PRKCE: variants seen among roughly 807,000 people sequenced by gnomAD.
The protein encoded by PRKCE is protein kinase C epsilon type.
PRKCE carries 16 observed loss-of-function variants against 85.4 expected under a neutral mutation model. The ratio of observed to expected loss-of-function variants is 0.19; its 90% CI spans 0.13 to 0.28. The LOEUF is 0.28. PRKCE is among the 10% of genes least tolerant of loss of function. The pLI is 1.00. For missense variants in PRKCE, 573 were observed against 975.2 expected, an observed-to-expected ratio of 0.59 and a Z score of 5.49; for synonymous variants, 388 against 371.5, an observed-to-expected ratio of 1.04 and a Z score of -0.51.
chr2:45,774,222 A>C lies in PRKCE; in HGVS notation c.349-68778A>C, dbSNP rs1205781610. 2.0e-5 allele frequency among the ~76,000 whole-genome samples: 3 copies of C among 151,984 alleles called. No homozygotes were observed. The highest frequency in any genetic ancestry group is 4.4e-5 in the Non-Finnish European group (3 of 67,988). ...ACCACCCCTGTGGTCAGGGCCTGCG[A>C]CTGGTGAGGTTCTAAGGCCTCCCCT... On this transcript the variant is annotated intron_variant, in intron 1 of 14. Transcript: ENST00000306156. This position sits in a 1 kb window ranked among gnomAD's most constrained non-coding sequence, Gnocchi z 4.3.
chr2:46,052,743 T>C (rs977702611), intron 10 of PRKCE, among the ~76,000 whole-genome samples: 1 of 152,220 alleles, frequency 6.6e-6, no homozygotes, highest in Non-Finnish European at 1.5e-5. Context: ...AAATTCCTGG[T>C]TCTAAAACAT....
chr2:45,841,770 A>G (rs1367523013), intron 1 of PRKCE, among the ~76,000 whole-genome samples: 1 of 152,260 alleles, frequency 6.6e-6, no homozygotes, highest in South Asian at 2.1e-4. Flanking sequence ...CTGACTGGGC[A>G]TATCTGGATA....
At chr2:45,719,866 A>G (rs907762033) in intron 1 of PRKCE, among the ~76,000 whole-genome samples, 2 of 151,950 alleles carry the variant, frequency 1.3e-5, no homozygotes, top group Non-Finnish European at 2.9e-5. Flanking sequence ...TCGAAGTTAC[A>G]GTGAGCTATG....
intron 1 of PRKCE, among the ~76,000 whole-genome samples, chr2:45,771,126 G>A (rs1685294286): frequency 6.6e-6 from 1 of 152,138 alleles, no homozygotes; most frequent in African/African-American, 2.4e-5. Flanking sequence ...AGTAGAGAAT[G>A]CAGGGGTGGG....
chr2:46,027,560 AT>A (rs1165077447), intron 10 of PRKCE, among the ~76,000 whole-genome samples: 2 of 152,168 alleles, frequency 1.3e-5, no homozygotes, highest in African/African-American at 4.8e-5. Context: ...TCGTAGGTAT[AT>A]TTTACAATAA....
chr2:45,978,962 ATTC>A lies in PRKCE; in HGVS notation c.573-8_573-6del, dbSNP rs888984580. On this transcript the variant is annotated splice_polypyrimidine_tract_variant and intron_variant, in intron 3 of 14. Transcript: ENST00000306156. ...ATTTCACTTTTTTTAAAAAAATGTT[ATTC>A]TTCTTTTCAGGGGTGTCATAGGAAA... 7.5e-6 allele frequency: 12 copies of A among 1,597,704 alleles called. No homozygotes were observed. The highest frequency in any genetic ancestry group is 1.6e-4 in the Middle Eastern group (1 of 6,068).
intron 3 of PRKCE, chr2:45,978,600 T>A (rs1702640833): frequency 1.0e-5 from 2 of 192,212 alleles, no homozygotes; most frequent in Non-Finnish European, 2.1e-5. Context: ...CGTGTCCTGG[T>A]GCTGGGAGAA....
At chr2:45,688,554 A>T (rs1380890429) in intron 1 of PRKCE, among the ~76,000 whole-genome samples, 4 of 152,208 alleles carry the variant, frequency 2.6e-5, no homozygotes, top group Non-Finnish European at 5.9e-5. Context: ...AACTTGGATG[A>T]ATATATTATG....
In PRKCE at chr2:45,744,520, CTTTCTTTTTCT is replaced by C. The variant is rs1573170392; in HGVS notation, c.348+92075_348+92085del. On this transcript the variant is annotated intron_variant, in intron 1 of 14. Transcript: ENST00000306156. The stretch of plus-strand genomic sequence containing the variant: ...CTTTCTTTTCTTTCTTTCTTTCTTT[CTTTCTTTTTCT>C]TTCCTTCTTTCTTTCTTTCTTCCTT... 3.7e-3 allele frequency among the ~76,000 whole-genome samples: 136 copies of C among 37,082 alleles called. 4 individuals are homozygous for C. Among genetic ancestry groups the C allele is most frequent in the East Asian group, 0.024 (27 of 1,140 alleles). 24.3% of individuals were successfully genotyped at this position (37,082 alleles called of 152,430 possible).
At position 45,781,447 on chromosome 2, in the gene PRKCE, A is replaced by G. The variant is rs115231009; in HGVS notation, c.349-61553A>G. On this transcript the variant is annotated intron_variant, in intron 1 of 14. Coordinates refer to ENST00000306156, the MANE Select transcript of PRKCE (RefSeq NM_005400.3). ...AAATGATCATATTCAGTTCTTCAGT[A>G]TCTTTGATTAGTCTCCCCTCCCCCT... Among the ~76,000 whole-genome samples, 1,356 of 152,314 alleles carry G rather than the reference A, an allele frequency of 8.9e-3. 9 individuals carry two copies. The highest frequency in any genetic ancestry group is 0.014 in the Non-Finnish European group (980 of 68,028).
intron 1 of PRKCE, among the ~76,000 whole-genome samples, chr2:45,725,629 G>A (rs547638125): frequency 1.6e-4 from 24 of 152,042 alleles, no homozygotes; most frequent in African/African-American, 4.3e-4. Context: ...TCAAGAGATC[G>A]AGACCATCCT....
rs867120162 is a variant in PRKCE at position 46,143,539 on chromosome 2, A to G, written c.1593-1554A>G. ...ATAAGCCTACAAGCAGGAGCGTGTC[A>G]TTCTGATTCACCAGATAAGGTCACA... On this transcript the variant is annotated intron_variant, in intron 11 of 14. Transcript: ENST00000306156. Among the ~76,000 whole-genome samples the G allele has an allele frequency of 5.3e-5, 8 of 152,258 alleles. No individual in the cohort carries two copies. In the South Asian group the frequency reaches 1.5e-3, roughly 28 times the overall value.
chr2:46,137,354 A>G (rs1675102562), intron 11 of PRKCE, among the ~76,000 whole-genome samples: 1 of 152,228 alleles, frequency 6.6e-6, no homozygotes, highest in East Asian at 1.9e-4. Flanking sequence ...ATAAATTACT[A>G]TACACAGAAT....
intron 2 of PRKCE, among the ~76,000 whole-genome samples, chr2:45,903,877 G>A (rs1696752773): frequency 8.0e-6 from 1 of 124,354 alleles, no homozygotes; most frequent in East Asian, 3.2e-4. Context: ...CTTGTAGCCT[G>A]GCAGTTTTTT....
intron 1 of PRKCE, among the ~76,000 whole-genome samples, chr2:45,780,776 C>T (rs1204187563): frequency 6.6e-6 from 1 of 152,186 alleles, no homozygotes; most frequent in Non-Finnish European, 1.5e-5. Context: ...GAAGTCATAG[C>T]TTCCTCCTCT....
chr2:45,846,265 G>A (rs1691780228), intron 2 of PRKCE, among the ~76,000 whole-genome samples: 1 of 152,140 alleles, frequency 6.6e-6, no homozygotes, highest in Admixed American at 6.5e-5. Flanking sequence ...CCCTTCATAT[G>A]ATGTAATTTG....
intron 1 of PRKCE, among the ~76,000 whole-genome samples, chr2:45,653,061 A>G (rs1292290427): frequency 5.3e-5 from 8 of 152,274 alleles, no homozygotes; most frequent in South Asian, 4.1e-4. Context: ...TGTCCAATTC[A>G]TTGCCCATCC....
chr2:46,168,597 A>G (rs1678575202), intron 14 of PRKCE, among the ~76,000 whole-genome samples: 1 of 152,234 alleles, frequency 6.6e-6, no homozygotes, highest in Non-Finnish European at 1.5e-5. Context: ...CAAGGAAAGA[A>G]TCTTCTGCCA....
chr2:45,992,007 G>A (rs925413505), intron 6 of PRKCE, among the ~76,000 whole-genome samples: 2 of 152,186 alleles, frequency 1.3e-5, no homozygotes, highest in Non-Finnish European at 2.9e-5. Flanking sequence ...AGGCGTCGTG[G>A]TGAACCTGGA....
Sources: allele counts gnomAD v4.1 joint callset (sites outside exome capture counted in the v4.1 genomes callset), GRCh38; gene constraint gnomAD v4.1.1; non-coding constraint Gnocchi (gnomAD v3.1); transcripts MANE v1.5; gene names NCBI Gene and HGNC (gene_info 2026-07-23, HGNC 2026-07-21).